The following SLC41A2 variants were observed in gnomAD, a reference collection of about 807,000 sequenced individuals.
SLC41A2 encodes SLC41A1-like 1.
Under a neutral mutation model 58.3 loss-of-function variants are expected in SLC41A2, and 32 were observed. The ratio of observed to expected loss-of-function variants is 0.55; its 90% CI spans 0.41 to 0.74. The LOEUF (loss-of-function observed/expected upper bound fraction) is 0.74. Among genes scored for constraint, SLC41A2 ranks in the 30% least tolerant of loss-of-function variants. The probability of loss-of-function intolerance (pLI) is 0.00; values close to 1 mark genes in which losing one functional copy is unlikely to be tolerated. For synonymous variants in SLC41A2, 190 were observed against 235.0 expected (o/e 0.81, Z 1.75); for missense variants, 514 against 680.6 (o/e 0.76, Z 2.72).
chr12:104,849,912 C>T (rs542592386), intron 8 of SLC41A2, among the ~76,000 whole-genome samples: 32 of 152,246 alleles, frequency 2.1e-4, no homozygotes, highest in Middle Eastern at 3.4e-3. Flanking sequence ...GACAAATACT[C>T]AAATAAATGC....
intron 6 of SLC41A2, among the ~76,000 whole-genome samples, chr12:104,877,022 A>G (rs2044080888): frequency 6.6e-6 from 1 of 152,230 alleles, no homozygotes; most frequent in South Asian, 2.1e-4. Flanking sequence ...TGAGACCATA[A>G]GACTTTTCTT....
At chr12:104,940,685 A>C (rs1486317479) in intron 1 of SLC41A2, among the ~76,000 whole-genome samples, 1 of 151,852 alleles carries the variant, frequency 6.6e-6, no homozygotes, top group Non-Finnish European at 1.5e-5. Context: ...TGGAGGGCCA[A>C]GGCAGGTGGA....
At chr12:104,848,412 GA>G (rs2042684469) in intron 8 of SLC41A2, among the ~76,000 whole-genome samples, 1 of 149,698 alleles carries the variant, frequency 6.7e-6, no homozygotes, top group African/African-American at 2.5e-5. Context: ...TAAGAACCAA[GA>G]AAAAAAATTA....
At chr12:104,862,460 C>A (rs1052853312) in intron 7 of SLC41A2, among the ~76,000 whole-genome samples, 6 of 152,064 alleles carry the variant, frequency 3.9e-5, no homozygotes, top group Non-Finnish European at 8.8e-5. Context: ...ATATATAGAT[C>A]ATGTTGTGGA....
intron 10 of SLC41A2, among the ~76,000 whole-genome samples, chr12:104,836,431 G>C (rs1356415027): frequency 1.3e-5 from 2 of 152,148 alleles, no homozygotes. Context: ...AGTTCCAAGA[G>C]GGGAACTGTT....
intron 1 of SLC41A2, among the ~76,000 whole-genome samples, chr12:104,949,891 G>T (rs973243562): frequency 2.6e-5 from 4 of 152,132 alleles, no homozygotes; most frequent in African/African-American, 9.7e-5. Flanking sequence ...CTGGTGCACT[G>T]AACCTTTAAG....
chr12:104,817,827 T>C (rs1199481992), intron 10 of SLC41A2, among the ~76,000 whole-genome samples: 2 of 151,446 alleles, frequency 1.3e-5, no homozygotes, highest in Non-Finnish European at 2.9e-5. Context: ...AGTAACACAC[T>C]AGGACGGTAC....
intron 6 of SLC41A2, among the ~76,000 whole-genome samples, chr12:104,883,885 G>A (rs548047510): frequency 3.9e-5 from 6 of 152,292 alleles, no homozygotes; most frequent in African/African-American, 1.4e-4. Flanking sequence ...CTGTCAGACA[G>A]GGACGTTTAA....
At chr12:104,837,262 T>G (rs2042244575) in intron 10 of SLC41A2, among the ~76,000 whole-genome samples, 1 of 152,168 alleles carries the variant, frequency 6.6e-6, no homozygotes, top group Admixed American at 6.5e-5. Flanking sequence ...GTGATGACCA[T>G]GACGGTCAGG....
intron 2 of SLC41A2, among the ~76,000 whole-genome samples, chr12:104,926,316 A>G (rs960469604): frequency 6.6e-6 from 1 of 152,184 alleles, no homozygotes; most frequent in Admixed American, 6.5e-5. Context: ...ACACCTACAA[A>G]TCGGCTAGAC....
At chr12:104,852,219 A>C (rs2042828151) in intron 8 of SLC41A2, among the ~76,000 whole-genome samples, 1 of 152,242 alleles carries the variant, frequency 6.6e-6, no homozygotes, top group African/African-American at 2.4e-5. Context: ...GCAAAGCAGA[A>C]GATTACATTC....
At chr12:104,846,367 C>T (rs2042599456) in intron 8 of SLC41A2, among the ~76,000 whole-genome samples, 1 of 152,118 alleles carries the variant, frequency 6.6e-6, no homozygotes, top group Non-Finnish European at 1.5e-5. Flanking sequence ...GAAATTGGTA[C>T]AGAGCCACTG....
At position 104,952,995 on chromosome 12, in the gene SLC41A2, G is replaced by A. The variant is rs114240589; in HGVS notation, c.-168+5093C>T. Among the ~76,000 whole-genome samples the A allele has an allele frequency of 5.1e-3, 774 of 152,192 alleles. 8 individuals are homozygous for A. The highest frequency in any genetic ancestry group is 0.018 in the African/African-American group (740 of 41,514). ...TCTACACTTAACCAATGCTTATTAC[G>A]CTTTATCGTAATGGTACTTGTACTA... On this transcript the variant is annotated intron_variant, in intron 1 of 10. Transcript: ENST00000258538.
At chr12:104,839,670 A>T (rs770160930) in intron 10 of SLC41A2, among the ~76,000 whole-genome samples, 1 of 151,566 alleles carries the variant, frequency 6.6e-6, no homozygotes, top group African/African-American at 2.4e-5. Flanking sequence ...CGCCCTGCTA[A>T]TTTTTTGTAT....
chr12:104,937,195 AT>A (rs1410276128), intron 1 of SLC41A2, among the ~76,000 whole-genome samples: 2 of 152,204 alleles, frequency 1.3e-5, no homozygotes, highest in African/African-American at 4.8e-5. Flanking sequence ...ATTTTTGTAC[AT>A]TTTGTGTAGC....
intron 6 of SLC41A2, among the ~76,000 whole-genome samples, chr12:104,878,854 T>G (rs1250122379): frequency 6.6e-6 from 1 of 152,186 alleles, no homozygotes; most frequent in Admixed American, 6.5e-5. Flanking sequence ...GGTCAAATGG[T>G]ATTTCTAGTT....
At chr12:104,806,216 C>T (rs1018958432) in intron 10 of SLC41A2, among the ~76,000 whole-genome samples, 3 of 151,512 alleles carry the variant, frequency 2.0e-5, no homozygotes, top group Non-Finnish European at 2.9e-5. Context: ...CCTCCCCACT[C>T]CCCCCACCCC....
intron 8 of SLC41A2, among the ~76,000 whole-genome samples, chr12:104,856,667 A>T (rs2043030657): frequency 6.6e-6 from 1 of 152,250 alleles, no homozygotes. Context: ...TTGGAATTGT[A>T]ATGGAATAGT....
intron 10 of SLC41A2, among the ~76,000 whole-genome samples, chr12:104,839,791 C>T (rs2042344078): frequency 2.0e-5 from 3 of 152,256 alleles, no homozygotes; most frequent in Admixed American, 2.0e-4. Flanking sequence ...GCGTAAGCCA[C>T]TGCGCCCGGC....
Sources: gnomAD v4.1 joint callset for allele counts (sites outside exome capture counted in the v4.1 genomes callset) on GRCh38, gnomAD v4.1.1 for gene constraint, MANE v1.5 for transcripts, NCBI Gene and HGNC (gene_info 2026-07-23, HGNC 2026-07-21) for gene names.